Variants in ZFAT observed in about 807,000 individuals in gnomAD.
The protein encoded by ZFAT is zinc finger protein ZFAT.
Under a neutral mutation model 117.7 loss-of-function variants are expected in ZFAT, and 64 were observed. The ratio of observed to expected loss-of-function variants is 0.54; its 90% CI spans 0.44 to 0.67. The LOEUF (loss-of-function observed/expected upper bound fraction) is 0.67, where lower values mean the gene tolerates loss of function less well. ZFAT is among the 30% of genes least tolerant of loss of function. ZFAT has a pLI of 0.00. For synonymous variants in ZFAT, 679 were observed against 615.0 expected (o/e 1.10, Z -1.54); for missense variants, 1,433 against 1,584.5 (o/e 0.90, Z 1.62).
At chr8:134,481,753 C>T (rs1029356883) in intron 15 of ZFAT, among the ~76,000 whole-genome samples, 6 of 152,228 alleles carry the variant, frequency 3.9e-5, no homozygotes, top group African/African-American at 1.4e-4. Context: ...ATAGACGCCG[C>T]AGAGGAGGCC....
At chr8:134,695,563 C>T (rs1833788483) in intron 1 of ZFAT, among the ~76,000 whole-genome samples, 1 of 151,586 alleles carries the variant, frequency 6.6e-6, no homozygotes, top group Admixed American at 6.6e-5. Context: ...GCACCACCAC[C>T]CCCAGGCCCA....
intron 14 of ZFAT, 31 bp downstream of exon 14, chr8:134,512,444 G>A (rs757025361): frequency 6.2e-7 from 1 of 1,610,390 alleles, no homozygotes; most frequent in Non-Finnish European, 8.5e-7. Flanking sequence ...AGACAGTTCT[G>A]AGATGGCAAA....
intron 3 of ZFAT, among the ~76,000 whole-genome samples, chr8:134,631,677 G>A (rs1265999350): frequency 6.6e-6 from 1 of 152,208 alleles, no homozygotes; most frequent in African/African-American, 2.4e-5. Flanking sequence ...CAGGGTGCCT[G>A]GCCCTGTGAC....
chr8:134,825,642 G>C, the ZFAT span, among the ~76,000 whole-genome samples: 16 of 151,808 alleles, frequency 1.1e-4, no homozygotes, highest in African/African-American at 3.7e-4. Flanking sequence ...AAAAAGGAGT[G>C]AGAGAAGCAT....
chr8:134,763,983 T>A, the ZFAT span, among the ~76,000 whole-genome samples: 1 of 152,258 alleles, frequency 6.6e-6, no homozygotes, highest in Non-Finnish European at 1.5e-5. Flanking sequence ...AACCTGCATT[T>A]TCTAAGCCTT....
At chr8:134,508,500 G>A (rs946616571) in intron 15 of ZFAT, among the ~76,000 whole-genome samples, 2 of 152,134 alleles carry the variant, frequency 1.3e-5, no homozygotes, top group African/African-American at 2.4e-5. Context: ...GACAACTCTA[G>A]TAATACACAC....
intron 3 of ZFAT, among the ~76,000 whole-genome samples, chr8:134,629,124 C>T (rs144025027): frequency 1.3e-3 from 197 of 152,202 alleles, no homozygotes; most frequent in African/African-American, 4.6e-3. Context: ...GGTAGTCAAT[C>T]GACCACGGTA....
chr8:134,697,590 G>T (rs1833901278), intron 1 of ZFAT, among the ~76,000 whole-genome samples: 1 of 151,136 alleles, frequency 6.6e-6, no homozygotes, highest in Admixed American at 6.6e-5. Flanking sequence ...AGCCGGGCGT[G>T]GTAGCGGGCG....
the ZFAT span, among the ~76,000 whole-genome samples, chr8:134,779,786 T>C: frequency 6.6e-6 from 1 of 152,204 alleles, no homozygotes; most frequent in Non-Finnish European, 1.5e-5. Flanking sequence ...CAATGCTGCT[T>C]GAACATAAAA....
At position 134,583,865 on chromosome 8, in the gene ZFAT, G is replaced by A. The variant is rs758960884; in HGVS notation, c.2854C>T (p.Leu952=). Residue 952 remains leucine (L), a synonymous_variant, in exon 10 of 16, where the codon CTG becomes TTG. Transcript: ENST00000377838. ...GTGTGAAGGAGTTTGTGACTTTTCAGTGTCCCTTTTGATTTGAATTTCTTG... is the reference window on the plus strand; with the variant it reads ...GTGTGAAGGAGTTTGTGACTTTTCAATGTCCCTTTTGATTTGAATTTCTTG... ...CGKKFKSKGT[L]KSHKLLHTAD... 30 of 1,613,414 alleles carry A rather than the reference G, an allele frequency of 1.9e-5. No homozygotes were observed. Among genetic ancestry groups the A allele is most frequent in the Non-Finnish European group, 2.4e-5 (28 of 1,179,778 alleles).
At chr8:134,505,224 G>A (rs753823428) in intron 15 of ZFAT, among the ~76,000 whole-genome samples, 10 of 152,202 alleles carry the variant, frequency 6.6e-5, no homozygotes, top group Non-Finnish European at 1.3e-4. Flanking sequence ...CACCTGATAT[G>A]TTCACTGAAA....
At chr8:134,604,486 T>C (rs79929737) in intron 5 of ZFAT, among the ~76,000 whole-genome samples, 3 of 152,280 alleles carry the variant, frequency 2.0e-5, no homozygotes, top group South Asian at 2.1e-4. Flanking sequence ...AGTACCACAA[T>C]AGGCACCAGG....
the ZFAT span, among the ~76,000 whole-genome samples, chr8:134,803,336 T>C: frequency 1.3e-5 from 2 of 152,192 alleles, no homozygotes; most frequent in East Asian, 3.8e-4. Context: ...ACAGAACACA[T>C]TACATTCTAC....
At chr8:134,726,174 T>A in the ZFAT span, among the ~76,000 whole-genome samples, 1 of 151,940 alleles carries the variant, frequency 6.6e-6, no homozygotes, top group African/African-American at 2.4e-5. Flanking sequence ...TGAGGAAGGA[T>A]CCTTCCTCAG....
the ZFAT span, among the ~76,000 whole-genome samples, chr8:134,771,117 C>T: frequency 5.1e-3 from 778 of 152,320 alleles, 7 homozygotes; most frequent in African/African-American, 0.017. Flanking sequence ...CACACCTATT[C>T]GCACACTCCC....
the ZFAT span, among the ~76,000 whole-genome samples, chr8:134,758,959 C>A: frequency 2.0e-5 from 3 of 152,114 alleles, no homozygotes; most frequent in African/African-American, 7.2e-5. Flanking sequence ...ATGATGGATC[C>A]AGGATCCATG....
the ZFAT span, among the ~76,000 whole-genome samples, chr8:134,817,417 ACACACACACACACACACAC>A: frequency 7.8e-4 from 85 of 108,292 alleles, no homozygotes; most frequent in African/African-American, 2.7e-3. Flanking sequence ...ACACACACAC[ACACACACACACACACACAC>A]AACGCACCCT....
rs372097166 is a variant in ZFAT, at chr8:134,512,594, G to A, written c.3242C>T (p.Thr1081Ile). ...IDGDPKWETA[T>I]EAPEEPSTQY... ...GGTGGAGGGCTCCTCAGGAGCTTCT[G>A]TTGCTGTCTAAATAAAAACATAGTA... Residue 1081 changes from threonine (T) to isoleucine (I), a missense_variant, in exon 14 of 16, where the codon ACA (threonine) becomes ATA (isoleucine). Around this residue, in one of 5 missense-constraint regions of ZFAT, gnomAD observed 503 missense variants for 543.4 expected, o/e 0.93. Transcript: ENST00000377838. 5.0e-6 allele frequency: 8 copies of A among 1,612,804 alleles called. No homozygotes were observed. The highest frequency in any genetic ancestry group is 5.9e-6 in the Non-Finnish European group (7 of 1,179,602).
the ZFAT span, among the ~76,000 whole-genome samples, chr8:134,818,078 T>G: frequency 6.6e-6 from 1 of 152,036 alleles, no homozygotes; most frequent in Non-Finnish European, 1.5e-5. Flanking sequence ...TGACCTTGAA[T>G]TACGCAAAAA....
Sources: gnomAD v4.1 joint callset for allele counts (sites outside exome capture counted in the v4.1 genomes callset) on GRCh38, gnomAD v4.1.1 for gene constraint, gnomAD v4.1.1 regional missense constraint, MANE v1.5 for transcripts, NCBI Gene and HGNC (gene_info 2026-07-23, HGNC 2026-07-21) for gene names.